MEGF10: variants seen among roughly 807,000 people sequenced by gnomAD.
The protein encoded by MEGF10 is multiple EGF like domains 10.
In MEGF10, 86 loss-of-function variants were observed where a neutral mutation model predicts 147.5. The ratio of observed to expected loss-of-function variants is 0.58; its 90% CI spans 0.49 to 0.70. MEGF10 has a LOEUF of 0.70. Ranked by LOEUF, MEGF10 falls within the 30% of genes least tolerant of loss-of-function variation. The pLI is 0.00. For synonymous variants in MEGF10, 478 were observed against 525.5 expected, an observed-to-expected ratio of 0.91 and a Z score of 1.24; for missense variants, 1,329 against 1,487.3, an observed-to-expected ratio of 0.89 and a Z score of 1.75.
chr5:127,276,638 CTTTTG>C, the MEGF10 span, among the ~76,000 whole-genome samples: 1 of 152,160 alleles, frequency 6.6e-6, no homozygotes, highest in Non-Finnish European at 1.5e-5. Flanking sequence ...AGTTATAAAA[CTTTTG>C]TTTAAAATAT....
At chr5:127,444,046 G>A (rs906933717) in intron 19 of MEGF10, among the ~76,000 whole-genome samples, 3 of 152,122 alleles carry the variant, frequency 2.0e-5, no homozygotes, top group East Asian at 1.9e-4. Context: ...ATGTCATAAC[G>A]ACCTGGGAAT....
intron 21 of MEGF10, among the ~76,000 whole-genome samples, chr5:127,448,343 A>G (rs1766026631): frequency 6.6e-6 from 1 of 152,196 alleles, no homozygotes; most frequent in Non-Finnish European, 1.5e-5. Flanking sequence ...GATTTTACAG[A>G]TGAGGAAACT....
At chr5:127,229,514 C>G in the MEGF10 span, 35 of 152,194 alleles carry the variant, frequency 2.3e-4, no homozygotes, top group African/African-American at 7.5e-4. Flanking sequence ...GCGGGAGACC[C>G]GGGGAGGCGC....
At chr5:127,262,757 A>C in the MEGF10 span, among the ~76,000 whole-genome samples, 6,964 of 152,206 alleles carry the variant, frequency 0.046, 183 homozygotes, top group South Asian at 0.094. Context: ...TCTGTCCTAT[A>C]TCTTTCCAGA....
intron 20 of MEGF10, among the ~76,000 whole-genome samples, chr5:127,447,269 G>T (rs1043539950): frequency 8.5e-5 from 13 of 152,074 alleles, no homozygotes; most frequent in South Asian, 8.3e-4. Context: ...TCTACCTCCG[G>T]GGTTCAAGCG....
At chr5:127,293,495 T>A (rs1479955406) in intron 1 of MEGF10, among the ~76,000 whole-genome samples, 1 of 152,228 alleles carries the variant, frequency 6.6e-6, no homozygotes, top group Non-Finnish European at 1.5e-5. Flanking sequence ...TAATCCCTTC[T>A]GCCTTGATTT....
At chr5:127,252,117 C>A in the MEGF10 span, among the ~76,000 whole-genome samples, 213 of 151,810 alleles carry the variant, frequency 1.4e-3, no homozygotes, top group Admixed American at 2.4e-3. Context: ...CTTTATAATA[C>A]CCAGGGTTAG....
Position 127,369,940 on chromosome 5 carries a change from G to A in MEGF10, c.350G>A (p.Arg117His), listed in dbSNP as rs749238106. ...PHCADKCVHGRCIAPNTCQCE... is the reference protein window; with the variant it reads ...PHCADKCVHGHCIAPNTCQCE... The stretch of plus-strand genomic sequence containing the variant: ...TGTGCTGATAAATGTGTCCATGGTC[G>A]CTGTATTGCTCCAAACACCTGTCAG... The change falls in exon 5 of 25, where the codon CGC (arginine) becomes CAC (histidine). Residue 117 changes from arginine to histidine, a missense_variant. Arg to His is a conservative substitution (Grantham distance 29). Coordinates refer to ENST00000503335, the MANE Select transcript of MEGF10 (RefSeq NM_001256545.2). 4.4e-5 allele frequency: 71 copies of A among 1,611,744 alleles called. No individual in the cohort carries two copies. The highest frequency in any genetic ancestry group is 1.6e-4 in the Middle Eastern group (1 of 6,066).
chr5:127,300,207 C>G (rs192071419), intron 1 of MEGF10, among the ~76,000 whole-genome samples: 11 of 152,298 alleles, frequency 7.2e-5, no homozygotes, highest in African/African-American at 2.4e-4. Flanking sequence ...TAAACACTCT[C>G]CTGATTAGTT....
At chr5:127,452,329 G>A (rs1255029638) in intron 22 of MEGF10, among the ~76,000 whole-genome samples, 1 of 152,196 alleles carries the variant, frequency 6.6e-6, no homozygotes, top group African/African-American at 2.4e-5. Flanking sequence ...GTCTGGAGAT[G>A]GCCAAGAGTA....
intron 13 of MEGF10, chr5:127,424,361 C>A: frequency 1.4e-6 from 1 of 725,556 alleles, no homozygotes; most frequent in Non-Finnish European, 2.5e-6. Flanking sequence ...TATTCTGGGT[C>A]CTTGAATTTC....
chr5:127,268,711 G>A, the MEGF10 span, among the ~76,000 whole-genome samples: 1 of 152,198 alleles, frequency 6.6e-6, no homozygotes. Context: ...AGACTTAAAT[G>A]TCCCTGTCTG....
Position 127,438,581 on chromosome 5 carries a change from C to G in MEGF10, c.2233+14C>G, listed in dbSNP as rs1425493748. ...ACTGCACTCAGAGTAAGTGACAAGC[C>G]TTCTGAGGCTCACCAAGGGGAGCCT... On this transcript the variant is annotated intron_variant, in intron 17 of 24. Coordinates refer to ENST00000503335, the MANE Select transcript of MEGF10 (RefSeq NM_001256545.2). 6.2e-7 allele frequency: 1 copy of G among 1,612,904 alleles called. No homozygotes were observed. Among genetic ancestry groups the G allele is most frequent in the Non-Finnish European group, 8.5e-7 (1 of 1,179,360 alleles).
intron 1 of MEGF10, among the ~76,000 whole-genome samples, chr5:127,303,208 C>T (rs566347792): frequency 3.4e-4 from 51 of 151,818 alleles, no homozygotes; most frequent in Non-Finnish European, 5.1e-4. Flanking sequence ...TGGTGATGTG[C>T]GCCTATAATC....
chr5:127,380,715 C>T (rs1763222645), intron 5 of MEGF10, among the ~76,000 whole-genome samples: 1 of 152,044 alleles, frequency 6.6e-6, no homozygotes, highest in Non-Finnish European at 1.5e-5. Flanking sequence ...GGCATGGTTT[C>T]ACCATGTTGG....
At chr5:127,274,512 G>A in the MEGF10 span, among the ~76,000 whole-genome samples, 2 of 152,140 alleles carry the variant, frequency 1.3e-5, no homozygotes, top group Admixed American at 1.3e-4. Flanking sequence ...AATAAAAATA[G>A]ATGGTAAACC....
chr5:127,268,467 T>A, the MEGF10 span, among the ~76,000 whole-genome samples: 2 of 151,720 alleles, frequency 1.3e-5, no homozygotes, highest in Admixed American at 6.6e-5. Context: ...AATTCCTGGA[T>A]ATCCTTGTTA....
the MEGF10 span, among the ~76,000 whole-genome samples, chr5:127,251,954 T>G: frequency 6.6e-6 from 1 of 151,858 alleles, no homozygotes; most frequent in Non-Finnish European, 1.5e-5. Context: ...GAAAAATGAA[T>G]GATGGATATT....
At chr5:127,395,514 A>G (rs1170641579) in intron 5 of MEGF10, among the ~76,000 whole-genome samples, 1 of 149,818 alleles carries the variant, frequency 6.7e-6, no homozygotes, top group East Asian at 1.9e-4. Flanking sequence ...TACCTTCCAA[A>G]CACAGATGTT....
Sources: gnomAD v4.1 joint callset for allele counts (sites outside exome capture counted in the v4.1 genomes callset) on GRCh38, gnomAD v4.1.1 for gene constraint, MANE v1.5 for transcripts, NCBI Gene and HGNC (gene_info 2026-07-23, HGNC 2026-07-21) for gene names.